The following CTNNA2 variants were observed in gnomAD, a reference collection of about 807,000 sequenced individuals.
CTNNA2 encodes the protein catenin alpha 2, also known as catenin alpha-2.
A neutral mutation model predicts 101.0 loss-of-function variants in CTNNA2; 42 were observed. The ratio of observed to expected loss-of-function variants is 0.42; its 90% CI spans 0.32 to 0.54. CTNNA2 has a LOEUF of 0.54. Among genes scored for constraint, CTNNA2 ranks in the 20% least tolerant of loss-of-function variants. CTNNA2 has a pLI of 0.14. For synonymous variants in CTNNA2, 450 were observed against 456.4 expected (o/e 0.99, Z 0.18); for missense variants, 871 against 1,223.1 (o/e 0.71, Z 4.29).
intron 3 of CTNNA2, among the ~76,000 whole-genome samples, chr2:79,755,759 T>A (rs955846321): frequency 6.6e-6 from 1 of 152,206 alleles, no homozygotes; most frequent in African/African-American, 2.4e-5. Flanking sequence ...GTTATCAACA[T>A]CATTTTAATT....
intron 7 of CTNNA2, among the ~76,000 whole-genome samples, chr2:80,073,185 A>ATT (rs1698453263): frequency 1.3e-5 from 2 of 152,204 alleles, no homozygotes; most frequent in South Asian, 4.1e-4. Flanking sequence ...GCCGGGTGGC[A>ATT]TTTTAAGGAG....
intron 4 of CTNNA2, among the ~76,000 whole-genome samples, chr2:79,384,583 G>A (rs184836276): frequency 1.1e-4 from 17 of 152,278 alleles, no homozygotes; most frequent in Admixed American, 9.8e-4. Context: ...GGATGCATTA[G>A]GAGGTACTTA....
At chr2:80,201,856 G>A (rs1304670514) in intron 7 of CTNNA2, among the ~76,000 whole-genome samples, 1 of 151,942 alleles carries the variant, frequency 6.6e-6, no homozygotes, top group Non-Finnish European at 1.5e-5. Flanking sequence ...TCTTTTCTCT[G>A]TTAAACACTA....
chr2:79,470,455 C>G (rs928154862), intron 4 of CTNNA2, among the ~76,000 whole-genome samples: 2 of 152,188 alleles, frequency 1.3e-5, no homozygotes, highest in African/African-American at 4.8e-5. Flanking sequence ...CAAAAGCAAG[C>G]AATTCAATAA....
At chr2:80,404,856 G>A (rs1020653702) in intron 8 of CTNNA2, among the ~76,000 whole-genome samples, 4 of 152,276 alleles carry the variant, frequency 2.6e-5, no homozygotes, top group East Asian at 3.9e-4. Flanking sequence ...CAGTGATTTT[G>A]TAGTTATCAA....
chr2:79,803,945 C>G (rs1676365186), intron 3 of CTNNA2, among the ~76,000 whole-genome samples: 1 of 152,146 alleles, frequency 6.6e-6, no homozygotes, highest in East Asian at 1.9e-4. Context: ...TAGATGGATA[C>G]AAAAGTTTTT....
intron 7 of CTNNA2, among the ~76,000 whole-genome samples, chr2:80,361,939 T>A (rs912337624): frequency 2.0e-5 from 3 of 152,084 alleles, no homozygotes; most frequent in African/African-American, 7.2e-5. Flanking sequence ...ACCCATCCCA[T>A]ACATGTTCTT....
intron 7 of CTNNA2, among the ~76,000 whole-genome samples, chr2:79,941,022 A>G (rs1457840526): frequency 6.6e-6 from 1 of 152,214 alleles, no homozygotes; most frequent in Non-Finnish European, 1.5e-5. Flanking sequence ...TTCAGAAGCC[A>G]CAAGAAGCCT....
At chr2:79,252,437 A>G (rs569437788) in intron 2 of CTNNA2, among the ~76,000 whole-genome samples, 2 of 152,064 alleles carry the variant, frequency 1.3e-5, no homozygotes, top group East Asian at 3.9e-4. Context: ...TGGTTTTTCT[A>G]TATGGTTTTA....
At chr2:79,349,125 T>A (rs1375133963) in intron 3 of CTNNA2, among the ~76,000 whole-genome samples, 1 of 152,240 alleles carries the variant, frequency 6.6e-6, no homozygotes, top group African/African-American at 2.4e-5. Context: ...GGTATAGGCT[T>A]CTTTGCATAT....
At chr2:79,597,895 A>C (rs555155703) in intron 1 of CTNNA2, among the ~76,000 whole-genome samples, 32 of 152,340 alleles carry the variant, frequency 2.1e-4, no homozygotes, top group African/African-American at 7.0e-4. Flanking sequence ...TATCATACAG[A>C]ATAGTTTCAC....
At chr2:79,405,549 C>G (rs372102961) in intron 4 of CTNNA2, among the ~76,000 whole-genome samples, 1 of 152,180 alleles carries the variant, frequency 6.6e-6, no homozygotes, top group African/African-American at 2.4e-5. Flanking sequence ...GGATCTTGAA[C>G]TCCTGACCTC....
chr2:80,031,196 G>A (rs191914197), intron 7 of CTNNA2, among the ~76,000 whole-genome samples: 1 of 152,192 alleles, frequency 6.6e-6, no homozygotes, highest in East Asian at 1.9e-4. Flanking sequence ...TATATATGAT[G>A]TACATGTGTA....
intron 12 of CTNNA2, among the ~76,000 whole-genome samples, chr2:80,564,841 G>C (rs900822898): frequency 6.6e-6 from 1 of 152,150 alleles, no homozygotes; most frequent in African/African-American, 2.4e-5. Context: ...GGGTACTGTT[G>C]TTCTTGCTCC....
chr2:80,414,414 T>C (rs1484047812), intron 8 of CTNNA2, among the ~76,000 whole-genome samples: 1 of 152,220 alleles, frequency 6.6e-6, no homozygotes, highest in African/African-American at 2.4e-5. Context: ...CACTCATGCT[T>C]GAATCCCTGA....
intron 2 of CTNNA2, among the ~76,000 whole-genome samples, chr2:79,217,321 G>A (rs556327269): frequency 1.1e-4 from 16 of 152,306 alleles, no homozygotes; most frequent in Middle Eastern, 3.4e-3. Flanking sequence ...ATGTGAGTCC[G>A]TGTGAAGAGA....
chr2:80,076,890 CA>C lies in CTNNA2; in HGVS notation c.1056+167104del, dbSNP rs890500095. Among the ~76,000 whole-genome samples the C allele has an allele frequency of 5.8e-4, 84 of 144,908 alleles. 1 individual carries two copies. Among genetic ancestry groups the C allele is most frequent in the Admixed American group, 1.4e-3 (20 of 14,544 alleles). On this transcript the variant is annotated intron_variant, in intron 7 of 18. Transcript: ENST00000402739. ...GAAACCCCGTCTCTACTAAAAAATA[CA>C]AAAAAAAAAATTAGCGTGGTGGTGG...
chr2:79,353,300 G>T (rs1677433503), intron 3 of CTNNA2, among the ~76,000 whole-genome samples: 1 of 152,142 alleles, frequency 6.6e-6, no homozygotes, highest in Non-Finnish European at 1.5e-5. Context: ...GTATGATTTT[G>T]AGATATCTTC....
intron 4 of CTNNA2, among the ~76,000 whole-genome samples, chr2:79,380,433 A>G (rs1317848524): frequency 6.6e-6 from 1 of 152,088 alleles, no homozygotes; most frequent in Non-Finnish European, 1.5e-5. Context: ...TGTCAAGCCA[A>G]CTGGGCCCTA....
Sources: allele counts gnomAD v4.1 joint callset (sites outside exome capture counted in the v4.1 genomes callset), GRCh38; gene constraint gnomAD v4.1.1; transcripts MANE v1.5; gene names NCBI Gene and HGNC (gene_info 2026-07-23, HGNC 2026-07-21).